The following FUT9 variants were observed in gnomAD, a reference collection of about 807,000 sequenced individuals.
The protein encoded by FUT9 is 4-galactosyl-N-acetylglucosaminide 3-alpha-L-fucosyltransferase 9.
FUT9 carries 15 observed loss-of-function variants against 29.7 expected under a neutral mutation model. That is an observed-to-expected ratio of 0.51 (90% CI 0.34 to 0.78). The LOEUF is 0.78. Among genes scored for constraint, FUT9 ranks in the 30% least tolerant of loss-of-function variants. The probability of loss-of-function intolerance (pLI) is 0.01; values close to 1 mark genes in which losing one functional copy is unlikely to be tolerated. For synonymous variants in FUT9, 169 were observed against 153.7 expected, an observed-to-expected ratio of 1.10 and a Z score of -0.74; for missense variants, 319 against 425.4, an observed-to-expected ratio of 0.75 and a Z score of 2.20.
chr6:96,200,064 C>T (rs1038410311), intron 2 of FUT9, among the ~76,000 whole-genome samples: 1 of 152,088 alleles, frequency 6.6e-6, no homozygotes, highest in Admixed American at 6.6e-5. Flanking sequence ...GCCATTAACT[C>T]TCTGTGTGGT....
At chr6:96,036,799 C>G (rs1770371933) in intron 1 of FUT9, 1 of 151,898 alleles carries the variant, frequency 6.6e-6, no homozygotes, top group Non-Finnish European at 1.5e-5. Flanking sequence ...ATCATCCCAC[C>G]TTCCTTTCTG....
chr6:96,110,765 C>T (rs1049781732), intron 1 of FUT9, among the ~76,000 whole-genome samples: 6 of 150,938 alleles, frequency 4.0e-5, no homozygotes, highest in African/African-American at 1.5e-4. Context: ...AAGCAATCTT[C>T]CCACATCAGC....
intron 1 of FUT9, among the ~76,000 whole-genome samples, chr6:96,070,992 A>G (rs1215883987): frequency 6.6e-6 from 1 of 152,236 alleles, no homozygotes; most frequent in African/African-American, 2.4e-5. Flanking sequence ...ATTTAATATT[A>G]CTGCATGACA....
intron 1 of FUT9, among the ~76,000 whole-genome samples, chr6:96,088,204 C>A (rs965039413): frequency 6.6e-6 from 1 of 151,784 alleles, no homozygotes; most frequent in Non-Finnish European, 1.5e-5. Flanking sequence ...CAAACCTCCA[C>A]GTTGTGCACA....
At chr6:96,138,197 A>C (rs887715579) in intron 2 of FUT9, among the ~76,000 whole-genome samples, 15 of 152,328 alleles carry the variant, frequency 9.8e-5, no homozygotes, top group African/African-American at 3.4e-4. Flanking sequence ...TGGTTTTCCA[A>C]GACAGAGCTG....
chr6:96,077,382 G>A (rs542968085), intron 1 of FUT9, among the ~76,000 whole-genome samples: 10 of 152,174 alleles, frequency 6.6e-5, no homozygotes, highest in African/African-American at 2.4e-4. Flanking sequence ...GTTGTTCTTG[G>A]AGTTAATAAT....
rs554399990 is a variant in FUT9 at position 96,204,183 on chromosome 6, G to C, written c.1028G>C (p.Arg343Thr). 6.7e-7 allele frequency: 1 copy of C among 1,482,012 alleles called. No homozygotes were observed. The highest frequency in any genetic ancestry group is 1.4e-5 in the African/African-American group (1 of 71,340). The allele number at this position is 1,482,012 out of a possible 1,614,324, so 91.8% of individuals were successfully genotyped here. A position where few individuals can be genotyped will look rare whatever the true frequency, so the allele number is the denominator to read the frequency against. ...TGTTTGGCTTGCGATCATGTGAAAAGGCATCAAGAATATAAGTCTGTTGGT... is the reference window on the plus strand; with the variant it reads ...TGTTTGGCTTGCGATCATGTGAAAACGCATCAAGAATATAAGTCTGTTGGT... ...HACLACDHVK[R>T]HQEYKSVGNL... is the part of the protein sequence containing the mutation. The change falls in exon 3 of 3, where the codon AGG (arginine) becomes ACG (threonine). Residue 343 changes from arginine (R) to threonine (T), a missense_variant. By Grantham distance (71) the Arg-to-Thr change is moderately conservative (BLOSUM62 -1). Transcript: ENST00000302103.
chr6:96,175,255 C>T (rs1421488254), intron 2 of FUT9, among the ~76,000 whole-genome samples: 1 of 152,126 alleles, frequency 6.6e-6, no homozygotes, highest in Non-Finnish European at 1.5e-5. Flanking sequence ...CAGTGCTTCT[C>T]CAAGTCCATG....
chr6:96,055,259 T>C (rs541480367), intron 1 of FUT9, among the ~76,000 whole-genome samples: 2 of 152,178 alleles, frequency 1.3e-5, no homozygotes, highest in Non-Finnish European at 2.9e-5. Context: ...TGATGTGATA[T>C]AATTTTGATG....
At chr6:96,163,280 C>CTT (rs36099595) in intron 2 of FUT9, among the ~76,000 whole-genome samples, 81,366 of 142,844 alleles carry the variant, frequency 0.57, 25,085 homozygotes, top group South Asian at 0.83. Context: ...CTTCCAAGCT[C>CTT]TTTTTTTTTT....
intron 2 of FUT9, among the ~76,000 whole-genome samples, chr6:96,182,796 T>A (rs1435822477): frequency 6.6e-6 from 1 of 152,142 alleles, no homozygotes; most frequent in Non-Finnish European, 1.5e-5. Flanking sequence ...TCCCTTGGTC[T>A]ATGTGCCTAT....
intron 1 of FUT9, chr6:96,037,461 G>T (rs992536461): frequency 2.6e-5 from 4 of 152,066 alleles, no homozygotes; most frequent in African/African-American, 4.8e-5. Context: ...ACACATTCAT[G>T]CATATGATCC....
chr6:96,054,515 T>G (rs760709488), intron 1 of FUT9, among the ~76,000 whole-genome samples: 1 of 152,164 alleles, frequency 6.6e-6, no homozygotes, highest in Non-Finnish European at 1.5e-5. Context: ...AAAATCCTTC[T>G]GCACTTAAAG....
chr6:96,162,395 A>T (rs1383751313), intron 2 of FUT9, among the ~76,000 whole-genome samples: 2 of 152,160 alleles, frequency 1.3e-5, no homozygotes, highest in Non-Finnish European at 2.9e-5. Flanking sequence ...TGTTGGAAAC[A>T]TTCAAAATCC....
chr6:96,077,831 G>A (rs1478139286), intron 1 of FUT9, among the ~76,000 whole-genome samples: 3 of 152,072 alleles, frequency 2.0e-5, no homozygotes, highest in Non-Finnish European at 4.4e-5. Flanking sequence ...ATGCTTAATA[G>A]CCAGTGTTTT....
chr6:96,177,318 T>C (rs761782419), intron 2 of FUT9, among the ~76,000 whole-genome samples: 10 of 152,014 alleles, frequency 6.6e-5, no homozygotes, highest in Non-Finnish European at 8.8e-5. Context: ...GTAAAATAGA[T>C]GACAAGCCAG....
At chr6:96,082,659 T>A (rs1197035720) in intron 1 of FUT9, among the ~76,000 whole-genome samples, 11 of 151,966 alleles carry the variant, frequency 7.2e-5, no homozygotes. Flanking sequence ...TTCTTCTATA[T>A]GCATTTTAAA....
At chr6:96,016,879 A>C (rs1033685689) in intron 1 of FUT9, among the ~76,000 whole-genome samples, 41 of 152,210 alleles carry the variant, frequency 2.7e-4, no homozygotes, top group African/African-American at 9.9e-4. Context: ...ATCAAGCGTG[A>C]AAAAATAAAG....
rs568218960 is a variant in FUT9, at chr6:96,176,865, G to A, written c.-8-26283G>A. Among the ~76,000 whole-genome samples, 3 of 152,110 alleles carry A rather than the reference G, an allele frequency of 2.0e-5. No homozygotes were observed. In the East Asian group the frequency reaches 5.8e-4, roughly 29 times the overall value. On this transcript the variant is annotated intron_variant, in intron 2 of 2. Transcript: ENST00000302103. ...CCTTTGGCGCTATGACTTTTCAGGGGTCTGGCTGTGACTGCCGCTTAGTCT... is the reference window on the plus strand; with the variant it reads ...CCTTTGGCGCTATGACTTTTCAGGGATCTGGCTGTGACTGCCGCTTAGTCT...
Sources: gnomAD v4.1 joint callset for allele counts (sites outside exome capture counted in the v4.1 genomes callset) on GRCh38, gnomAD v4.1.1 for gene constraint, MANE v1.5 for transcripts, NCBI Gene and HGNC (gene_info 2026-07-23, HGNC 2026-07-21) for gene names.